PPFIA2: variants seen among roughly 807,000 people sequenced by gnomAD.
PPFIA2 encodes PPFI scaffold protein A2, also known as liprin-alpha-2.
In PPFIA2, 46 loss-of-function variants were observed where a neutral mutation model predicts 175.5. The ratio of observed to expected loss-of-function variants is 0.26; its 90% confidence interval spans 0.21 to 0.34. The LOEUF (loss-of-function observed/expected upper bound fraction) is 0.34, where lower values mean the gene tolerates loss of function less well. PPFIA2 is among the 10% of genes least tolerant of loss of function. The pLI is 1.00. For missense variants in PPFIA2, 1,179 were observed against 1,506.1 expected, an observed-to-expected ratio of 0.78 and a Z score of 3.60; for synonymous variants, 568 against 511.4, an observed-to-expected ratio of 1.11 and a Z score of -1.49.
rs1221576919 is a variant in PPFIA2, at chr12:81,384,112, C to T, written c.895G>A (p.Gly299Arg). The T allele has an allele frequency of 6.2e-7, 1 of 1,613,252 alleles. No individual in the cohort carries two copies. The highest frequency in any genetic ancestry group is 8.5e-7 in the Non-Finnish European group (1 of 1,179,542). ...GTCTCTGCTTCCTGTTCCACCTCTC[C>T]CACTCGGGAAGAAAGGGCTGCTAAA... is the stretch of plus-strand genomic sequence containing the variant. ...ERLAALSSRV[G>R]EVEQEAETAR... The change falls in exon 9 of 33, where the codon GGA becomes AGA. Residue 299 changes from glycine (G) to arginine (R), a missense_variant. This residue lies in a region of PPFIA2 where 226 missense variants were observed against 216.6 expected (regional missense o/e 1.04). Coordinates refer to ENST00000549396, the MANE Select transcript of PPFIA2 (RefSeq NM_003625.5).
intron 4 of PPFIA2, among the ~76,000 whole-genome samples, chr12:81,662,301 T>C (rs2069056039): frequency 1.3e-5 from 2 of 152,232 alleles, no homozygotes; most frequent in Non-Finnish European, 2.9e-5. Flanking sequence ...GATAGACCAC[T>C]AGCAAGACTA....
chr12:81,636,540 C>T (rs941585733), intron 4 of PPFIA2, among the ~76,000 whole-genome samples: 1 of 149,610 alleles, frequency 6.7e-6, no homozygotes, highest in Admixed American at 6.7e-5. Context: ...GCTGGGATTA[C>T]AGGCGTGAGC....
Position 81,567,134 on chromosome 12 carries a change from C to T in PPFIA2, c.304-109268G>A, listed in dbSNP as rs549231526. Among the ~76,000 whole-genome samples, 12 of 152,346 alleles carry T rather than the reference C, an allele frequency of 7.9e-5. No individual in the cohort carries two copies. The East Asian group carries it at 2.3e-3, about 29-fold the overall frequency. ...CAATCTCGGCTCACTGCAAGCTCTG[C>T]CTCCCGGGATTCACGCCATTTTCCT... On this transcript the variant is annotated intron_variant, in intron 4 of 32. Transcript: ENST00000549396.
At chr12:81,673,845 A>T (rs2071916571) in intron 4 of PPFIA2, among the ~76,000 whole-genome samples, 2 of 151,838 alleles carry the variant, frequency 1.3e-5, no homozygotes, top group African/African-American at 4.8e-5. Context: ...ATTTTGAATC[A>T]CCCTTGAAAA....
At chr12:81,642,416 G>T (rs1043703865) in intron 4 of PPFIA2, among the ~76,000 whole-genome samples, 1 of 150,974 alleles carries the variant, frequency 6.6e-6, no homozygotes, top group African/African-American at 2.4e-5. Flanking sequence ...TGTAACAAAA[G>T]AATTTTCTTG....
chr12:81,656,480 C>T (rs1485768720), intron 4 of PPFIA2, among the ~76,000 whole-genome samples: 1 of 151,916 alleles, frequency 6.6e-6, no homozygotes, highest in Non-Finnish European at 1.5e-5. Context: ...TGTAACAAAG[C>T]TGCATTTGTA....
At chr12:81,531,677 C>G (rs1479972435) in intron 4 of PPFIA2, among the ~76,000 whole-genome samples, 1 of 150,608 alleles carries the variant, frequency 6.6e-6, no homozygotes, top group Admixed American at 6.7e-5. Flanking sequence ...GTCTACTGTA[C>G]CAGGAACATT....
chr12:81,504,915 G>A (rs1375235641), intron 4 of PPFIA2, among the ~76,000 whole-genome samples: 1 of 152,070 alleles, frequency 6.6e-6, no homozygotes, highest in African/African-American at 2.4e-5. Context: ...AACACCACAT[G>A]TTCTCACTCA....
At chr12:81,664,248 A>T (rs1015636805) in intron 4 of PPFIA2, among the ~76,000 whole-genome samples, 1 of 152,148 alleles carries the variant, frequency 6.6e-6, no homozygotes, top group Non-Finnish European at 1.5e-5. Flanking sequence ...CAGAGTGAAC[A>T]GGCAACCTAC....
chr12:81,335,505 T>C (rs1198440590), intron 21 of PPFIA2, among the ~76,000 whole-genome samples: 1 of 151,986 alleles, frequency 6.6e-6, no homozygotes, highest in African/African-American at 2.4e-5. Context: ...CACTTTGGGA[T>C]GCCAAGGCGG....
At chr12:81,622,793 C>T (rs1193562634) in intron 4 of PPFIA2, among the ~76,000 whole-genome samples, 2 of 152,056 alleles carry the variant, frequency 1.3e-5, no homozygotes, top group Non-Finnish European at 2.9e-5. Context: ...CTGCCCCTAC[C>T]CCTCAGATTA....
intron 4 of PPFIA2, among the ~76,000 whole-genome samples, chr12:81,494,705 C>T (rs1420438661): frequency 9.9e-5 from 15 of 151,834 alleles, no homozygotes; most frequent in African/African-American, 3.6e-4. Flanking sequence ...AAATGTCCAA[C>T]AACAATATAC....
intron 7 of PPFIA2, among the ~76,000 whole-genome samples, chr12:81,407,305 G>A (rs896484473): frequency 5.9e-5 from 9 of 151,886 alleles, no homozygotes; most frequent in Non-Finnish European, 1.3e-4. Flanking sequence ...GCCAACTGGT[G>A]AAACCTGTCT....
chr12:81,365,754 A>T (rs1387696997), intron 14 of PPFIA2, among the ~76,000 whole-genome samples: 1 of 151,738 alleles, frequency 6.6e-6, no homozygotes, highest in Non-Finnish European at 1.5e-5. Flanking sequence ...GTTTTTGTGA[A>T]CTACCTCAGA....
chr12:81,315,184 T>C (rs1034552129), intron 22 of PPFIA2, among the ~76,000 whole-genome samples: 13 of 151,640 alleles, frequency 8.6e-5, no homozygotes, highest in African/African-American at 3.1e-4. Flanking sequence ...CTAACAAGAG[T>C]TGCAGAGAGT....
intron 22 of PPFIA2, chr12:81,312,297 G>A: frequency 1.1e-6 from 1 of 890,314 alleles, no homozygotes; most frequent in African/African-American, 1.7e-5. Flanking sequence ...GCTCAGGTAT[G>A]AGAAAGACAT....
intron 4 of PPFIA2, among the ~76,000 whole-genome samples, chr12:81,475,168 T>C (rs2057320281): frequency 6.6e-6 from 1 of 152,226 alleles, no homozygotes; most frequent in South Asian, 2.1e-4. Context: ...TGATAAACTC[T>C]GTGAGAACCA....
Position 81,369,149 on chromosome 12 carries a change from C to T in PPFIA2, c.1312G>A (p.Glu438Lys). The T allele has an allele frequency of 6.2e-7, 1 of 1,608,830 alleles. No individual in the cohort carries two copies. The highest frequency in any genetic ancestry group is 8.5e-7 in the Non-Finnish European group (1 of 1,176,778). The change falls in exon 12 of 33, where the codon GAG becomes AAG. Residue 438 changes from glutamate to lysine, a missense_variant. Physicochemically the swap from Glu to Lys is moderately conservative, Grantham distance 56. Coordinates refer to ENST00000549396, the MANE Select transcript of PPFIA2 (RefSeq NM_003625.5). ...TGATTCTTCTCTTCAAGTTGACCCTCTAAATGTCTCATACGTTCTTCAATA... is the reference window on the plus strand; with the variant it reads ...TGATTCTTCTCTTCAAGTTGACCCTTTAAATGTCTCATACGTTCTTCAATA... ...GNIEERMRHL[E>K]GQLEEKNQEL...
chr12:81,667,618 A>T (rs1244043801), intron 4 of PPFIA2, among the ~76,000 whole-genome samples: 1 of 152,058 alleles, frequency 6.6e-6, no homozygotes, highest in Non-Finnish European at 1.5e-5. Flanking sequence ...CCAAATAAAT[A>T]ATACCTTCAT....
Sources: allele counts gnomAD v4.1 joint callset (sites outside exome capture counted in the v4.1 genomes callset), GRCh38; gene constraint gnomAD v4.1.1; regional missense constraint gnomAD v4.1.1; transcripts MANE v1.5; gene names NCBI Gene and HGNC (gene_info 2026-07-23, HGNC 2026-07-21).